WDFY3: variants seen among roughly 807,000 people sequenced by gnomAD.
The protein encoded by WDFY3 is WD repeat and FYVE domain containing 3, also known as WD repeat and FYVE domain-containing protein 3.
WDFY3 carries 66 observed loss-of-function variants against 409.6 expected under a neutral mutation model. That is an observed-to-expected ratio of 0.16 (90% CI 0.13 to 0.20). The LOEUF (loss-of-function observed/expected upper bound fraction) is 0.20, where lower values mean the gene tolerates loss of function less well. Among genes scored for constraint, WDFY3 ranks in the 10% least tolerant of loss-of-function variants. The probability of loss-of-function intolerance (pLI) is 1.00; values close to 1 mark genes in which losing one functional copy is unlikely to be tolerated. For missense variants in WDFY3, 3,031 were observed against 4,298.1 expected, an observed-to-expected ratio of 0.71 and a Z score of 8.24; for synonymous variants, 1,521 against 1,537.1, an observed-to-expected ratio of 0.99 and a Z score of 0.25.
chr4:84,758,153 C>A (rs1033137290), intron 32 of WDFY3, among the ~76,000 whole-genome samples: 2 of 152,186 alleles, frequency 1.3e-5, no homozygotes, highest in African/African-American at 4.8e-5. Flanking sequence ...GAATGTTTGT[C>A]AAATTTTCAA....
chr4:84,728,298 G>A (rs911796510), intron 44 of WDFY3, among the ~76,000 whole-genome samples: 2 of 152,294 alleles, frequency 1.3e-5, no homozygotes, highest in Middle Eastern at 3.4e-3. Context: ...GGAGGCCGAG[G>A]TGGGTGGATT....
At chr4:84,909,765 T>C (rs987797413) in intron 2 of WDFY3, among the ~76,000 whole-genome samples, 1 of 152,158 alleles carries the variant, frequency 6.6e-6, no homozygotes, top group South Asian at 2.1e-4. Flanking sequence ...CTTTTCATTA[T>C]TGCATTTTTT....
At chr4:84,824,284 T>C in intron 10 of WDFY3, among the ~76,000 whole-genome samples, 1 of 152,206 alleles carries the variant, frequency 6.6e-6, no homozygotes, top group Non-Finnish European at 1.5e-5. Flanking sequence ...ATAACTTTTA[T>C]TATTGTGTAT....
At chr4:84,956,298 T>C (rs1415195636) in intron 1 of WDFY3, among the ~76,000 whole-genome samples, 1 of 152,078 alleles carries the variant, frequency 6.6e-6, no homozygotes, top group Non-Finnish European at 1.5e-5. Context: ...CTTAAGAAAC[T>C]GAAGAAAGCT....
At chr4:84,876,305 T>A (rs1408299591) in intron 3 of WDFY3, among the ~76,000 whole-genome samples, 2 of 152,190 alleles carry the variant, frequency 1.3e-5, no homozygotes, top group Admixed American at 1.3e-4. Context: ...TTACAGAATA[T>A]TCATCATTAA....
chr4:84,832,100 C>T (rs1337965592), intron 7 of WDFY3, among the ~76,000 whole-genome samples: 1 of 151,958 alleles, frequency 6.6e-6, no homozygotes, highest in African/African-American at 2.4e-5. Flanking sequence ...AAGTATCCAA[C>T]AGATGAATGG....
chr4:84,777,818 G>A (rs1745807200), intron 27 of WDFY3, among the ~76,000 whole-genome samples: 1 of 152,056 alleles, frequency 6.6e-6, no homozygotes. Flanking sequence ...GTTTCACAGG[G>A]ATATATTACA....
At chr4:84,782,929 A>G (rs770499873) in intron 25 of WDFY3, 34 bp downstream of exon 25, 2 of 1,595,270 alleles carry the variant, frequency 1.3e-6, no homozygotes, top group East Asian at 4.5e-5. Context: ...TGGCAAATAA[A>G]GAAGTTTGAA....
At chr4:84,820,681 G>T (rs1291144529) in intron 11 of WDFY3, among the ~76,000 whole-genome samples, 1 of 151,992 alleles carries the variant, frequency 6.6e-6, no homozygotes, top group Non-Finnish European at 1.5e-5. Context: ...ATACGTATTT[G>T]CTCTGTACAA....
At chr4:84,845,586 T>G (rs1383678081) in intron 5 of WDFY3, among the ~76,000 whole-genome samples, 27 of 152,076 alleles carry the variant, frequency 1.8e-4, no homozygotes. Flanking sequence ...AGTGCTTTTT[T>G]TAAGCACAAT....
chr4:84,847,325 C>A (rs1297475948), intron 5 of WDFY3, among the ~76,000 whole-genome samples: 1 of 152,030 alleles, frequency 6.6e-6, no homozygotes, highest in African/African-American at 2.4e-5. Flanking sequence ...TTTAATGCTC[C>A]ATTCTTATGT....
chr4:84,955,751 A>C lies in WDFY3; in HGVS notation c.-226+10458T>G, dbSNP rs560933425. ...TAATAAGTGTTGGAGAAATTAAAAC[A>C]GGTATATTAAATTGTTTTTCTAAAC... is the stretch of plus-strand genomic sequence containing the variant. On this transcript the variant is annotated intron_variant, in intron 1 of 67. Transcript: ENST00000295888. Among the ~76,000 whole-genome samples, 95 of 152,350 alleles carry C rather than the reference A, an allele frequency of 6.2e-4. No individual in the cohort carries two copies. The South Asian group carries it at 0.019, about 30-fold the overall frequency.
chr4:84,689,430 G>A (rs1043857263), intron 61 of WDFY3, among the ~76,000 whole-genome samples: 1 of 152,134 alleles, frequency 6.6e-6, no homozygotes, highest in Non-Finnish European at 1.5e-5. Flanking sequence ...ATATTTTTAA[G>A]CATAATTTGA....
rs377456154 is a variant in WDFY3, at chr4:84,836,258, TTG to T, written c.576+669_576+670del. 4.6e-5 allele frequency among the ~76,000 whole-genome samples: 7 copies of T among 152,350 alleles called. No homozygotes were observed. In the East Asian group the frequency reaches 1.2e-3, roughly 25 times the overall value. ...TCATATAAGTGGAATCACGCAGTAT[TTG>T]TCTTTTTGTGTCAAATGTTGTTTTT... On this transcript the variant is annotated intron_variant, in intron 7 of 67. Transcript: ENST00000295888.
At chr4:84,807,348 A>G (rs755029466) in intron 15 of WDFY3, among the ~76,000 whole-genome samples, 2 of 152,324 alleles carry the variant, frequency 1.3e-5, no homozygotes, top group South Asian at 2.1e-4. Flanking sequence ...AAAGTAAGCT[A>G]TAAGTGTAAA....
At position 84,670,554 on chromosome 4, in the gene WDFY3, A is replaced by T. The variant is rs1372677308; in HGVS notation, c.*2314T>A. On this transcript the variant is annotated 3_prime_UTR_variant, in exon 68 of 68. Coordinates refer to ENST00000295888, the MANE Select transcript of WDFY3 (RefSeq NM_014991.6). ...TCTAGTTATGGAAGTTCTGTTAGAAAGTTAGTAATGGAAGTTGTGTCGGAA... is the reference window on the plus strand; with the variant it reads ...TCTAGTTATGGAAGTTCTGTTAGAATGTTAGTAATGGAAGTTGTGTCGGAA... 1 of 152,666 alleles carries T rather than the reference A, an allele frequency of 6.6e-6. No homozygotes were observed. Among genetic ancestry groups the T allele is most frequent in the African/African-American group, 2.4e-5 (1 of 41,454 alleles). The allele number at this position is 152,666 out of a possible 1,614,324, so 9.5% of individuals were successfully genotyped here.
At chr4:84,877,764 C>G (rs1031595420) in intron 3 of WDFY3, among the ~76,000 whole-genome samples, 1 of 152,098 alleles carries the variant, frequency 6.6e-6, no homozygotes, top group African/African-American at 2.4e-5. Flanking sequence ...AAGGTCATAT[C>G]CTATTCAACT....
chr4:84,833,834 A>C (rs915213246), intron 7 of WDFY3, among the ~76,000 whole-genome samples: 2 of 152,126 alleles, frequency 1.3e-5, no homozygotes, highest in Non-Finnish European at 2.9e-5. Flanking sequence ...CAAATGCAAA[A>C]ACTTGCTTAG....
At chr4:84,700,769 G>A (rs1230145071) in intron 56 of WDFY3, among the ~76,000 whole-genome samples, 2 of 152,172 alleles carry the variant, frequency 1.3e-5, no homozygotes, top group South Asian at 2.1e-4. Context: ...TGGGGAAGAA[G>A]GCAACGTTCT....
Sources: gnomAD v4.1 joint callset for allele counts (sites outside exome capture counted in the v4.1 genomes callset) on GRCh38, gnomAD v4.1.1 for gene constraint, MANE v1.5 for transcripts, NCBI Gene and HGNC (gene_info 2026-07-23, HGNC 2026-07-21) for gene names.